The following DSG1 variants were observed in gnomAD, a reference collection of about 807,000 sequenced individuals.
DSG1 encodes the protein desmoglein 1.
DSG1 carries 39 observed loss-of-function variants against 97.5 expected under a neutral mutation model. That is an observed-to-expected ratio of 0.40 (90% CI 0.31 to 0.52). The LOEUF (loss-of-function observed/expected upper bound fraction) is 0.52, where lower values mean the gene tolerates loss of function less well. DSG1 is among the 20% of genes least tolerant of loss of function. DSG1 has a pLI of 0.53. For missense variants in DSG1, 1,311 were observed against 1,295.4 expected (o/e 1.01, Z -0.18); for synonymous variants, 475 against 443.4 (o/e 1.07, Z -0.90).
chr18:31,333,629 G>A lies in DSG1; in HGVS notation c.725G>A (p.Arg242Gln), dbSNP rs1273612156. The change falls in exon 7 of 15, where the codon CGA becomes CAA. Residue 242 changes from arginine to glutamine, a missense_variant. Coordinates refer to ENST00000257192, the MANE Select transcript of DSG1 (RefSeq NM_001942.4). ...QYALAVRGSD[R>Q]DGGADGMSAE... ...GCTCTTGCTGTAAGAGGCTCTGACC[G>A]AGATGGCGGGGCAGATGGCATGTCA... The A allele has an allele frequency of 6.8e-6, 11 of 1,613,738 alleles. No homozygotes were observed. Among genetic ancestry groups the A allele is most frequent in the South Asian group, 4.4e-5 (4 of 91,064 alleles).
Position 31,329,927 on chromosome 18 carries a change from T to C in DSG1, c.408T>C (p.Asp136=). The change falls in exon 5 of 15, where the codon GAT becomes GAC. Residue 136 remains aspartate (D), a synonymous_variant. Coordinates refer to ENST00000257192, the MANE Select transcript of DSG1 (RefSeq NM_001942.4). ...GAGCTCTGAACTCAATGGGCCAAGA[T>C]TTAGAGAGGCCTCTAGAGCTCAGAG... ...YCRALNSMGQ[D]LERPLELRVR... 6 of 1,613,336 alleles carry C rather than the reference T, an allele frequency of 3.7e-6. No homozygotes were observed. The highest frequency in any genetic ancestry group is 5.1e-6 in the Non-Finnish European group (6 of 1,179,360).
At position 31,335,516 on chromosome 18, in the gene DSG1, CAT is replaced by C. The variant is rs554510402; in HGVS notation, c.1006-827_1006-826del. Among the ~76,000 whole-genome samples the C allele has an allele frequency of 4.6e-5, 7 of 151,130 alleles. No individual in the cohort carries two copies. In the East Asian group the frequency reaches 7.7e-4, roughly 17 times the overall value. On this transcript the variant is annotated intron_variant, in intron 8 of 14. Transcript: ENST00000257192. ...TTAAATCCTTTGTTATAGCTATATA[CAT>C]ATATATATATTATGTGTGTGTAATG...
chr18:31,337,151 C>T (rs1247406926), intron 9 of DSG1, among the ~76,000 whole-genome samples: 2 of 152,166 alleles, frequency 1.3e-5, no homozygotes. Context: ...AAAATCTGTG[C>T]GTGCACATGT....
chr18:31,319,895 G>C (rs1394118868), intron 1 of DSG1, among the ~76,000 whole-genome samples: 1 of 123,306 alleles, frequency 8.1e-6, no homozygotes, highest in Admixed American at 7.5e-5. Flanking sequence ...GCTGTGCCTA[G>C]ATTTTTTTTT....
At position 31,345,976 on chromosome 18, in the gene DSG1, A is replaced by T; in HGVS notation, c.1892-14A>T. The T allele has an allele frequency of 6.2e-7, 1 of 1,607,116 alleles. No homozygotes were observed. ...GACTAAAGAAAATAAATTTAATTTG[A>T]TCAACACTTTTAGGAGTTTATACAA... On this transcript the variant is annotated splice_polypyrimidine_tract_variant and intron_variant, in intron 13 of 14. Coordinates refer to ENST00000257192, the MANE Select transcript of DSG1 (RefSeq NM_001942.4).
chr18:31,331,352 A>C (rs1010778758), intron 5 of DSG1, among the ~76,000 whole-genome samples: 3 of 152,090 alleles, frequency 2.0e-5, no homozygotes, highest in African/African-American at 2.4e-5. Context: ...AAGTGTTGAG[A>C]AAGTTGGGAA....
At chr18:31,354,276 C>T (rs1369548156) in intron 14 of DSG1, 21 bp from the exon 15 acceptor site, 1 of 1,603,550 alleles carries the variant, frequency 6.2e-7, no homozygotes, top group East Asian at 2.2e-5. Context: ...ATTTCATTTT[C>T]TCTTTCTCCT....
chr18:31,347,872 T>G (rs1206448219), intron 14 of DSG1: 1 of 140,920 alleles, frequency 7.1e-6, no homozygotes, highest in East Asian at 1.9e-4. Flanking sequence ...TATGAACTAC[T>G]TTTCCAGACA....
In DSG1 at chr18:31,343,953, C is replaced by T. The variant is rs752174104; in HGVS notation, c.1849C>T (p.Pro617Ser). 6.8e-6 allele frequency: 11 copies of T among 1,613,200 alleles called. No individual in the cohort carries two copies. The South Asian group carries it at 1.1e-4, about 16-fold the overall frequency. ...RDITTVIPQI[P>S]PDNANIIECI... ...TATAACCACTGTCATACCACAAATA[C>T]CACCTGATAACGCAAATATAATTGA... The change falls in exon 13 of 15, where the codon CCA becomes TCA. Residue 617 changes from proline to serine, a missense_variant. By Grantham distance (74) the Pro-to-Ser change is moderately conservative. Coordinates refer to ENST00000257192, the MANE Select transcript of DSG1 (RefSeq NM_001942.4).
In DSG1 at chr18:31,358,972, T is replaced by C. The variant is rs1051415182; in HGVS notation, c.*3626T>C. 2.6e-5 allele frequency among the ~76,000 whole-genome samples: 4 copies of C among 152,122 alleles called. No individual in the cohort carries two copies. The highest frequency in any genetic ancestry group is 9.7e-5 in the African/African-American group (4 of 41,436). On this transcript the variant is annotated 3_prime_UTR_variant, in exon 15 of 15. Transcript: ENST00000257192. ...TGTAATCTTGTTTGTCTACATTCTCTCCCCAGTTTAGCTGTATTTGAATTA... is the reference window on the plus strand; with the variant it reads ...TGTAATCTTGTTTGTCTACATTCTCCCCCCAGTTTAGCTGTATTTGAATTA...
intron 6 of DSG1, 111 bp downstream of exon 6, chr18:31,331,978 T>C: frequency 9.4e-7 from 1 of 1,061,266 alleles, no homozygotes; most frequent in Non-Finnish European, 1.4e-6. Context: ...TTTTTACTTG[T>C]ATAACTTTTT....
At chr18:31,324,736 G>A (rs1369914056) in intron 1 of DSG1, among the ~76,000 whole-genome samples, 1 of 152,020 alleles carries the variant, frequency 6.6e-6, no homozygotes, top group Non-Finnish European at 1.5e-5. Flanking sequence ...CTCTGCTCCA[G>A]CGTACCTCCT....
At chr18:31,326,765 A>T in intron 2 of DSG1, 109 bp from the exon 3 acceptor site, 1 of 1,432,428 alleles carries the variant, frequency 7.0e-7, no homozygotes, top group Non-Finnish European at 9.8e-7. Context: ...AATTTTCCCA[A>T]TTAAACATCC....
In DSG1 at chr18:31,336,536, TA is replaced by T; in HGVS notation, c.1190del (p.Asn397IlefsTer12). 6.2e-7 allele frequency: 1 copy of T among 1,614,006 alleles called. No individual in the cohort carries two copies. Among genetic ancestry groups the T allele is most frequent in the Non-Finnish European group, 8.5e-7 (1 of 1,179,924 alleles). On this transcript the variant is annotated frameshift_variant, in exon 9 of 15. Coordinates refer to ENST00000257192, the MANE Select transcript of DSG1 (RefSeq NM_001942.4). LOFTEE classifies it high-confidence loss of function. ...PGSKTYVVTG[N>X]MGSNDKVGDF... ...GTTCAAAGACATATGTTGTAACTGG[TA>T]ATATGGGATCAAATGATAAAGTGGG... is the stretch of plus-strand genomic sequence containing the variant.
At chr18:31,339,323 G>A (rs1445847915) in intron 10 of DSG1, among the ~76,000 whole-genome samples, 1 of 152,032 alleles carries the variant, frequency 6.6e-6, no homozygotes, top group African/African-American at 2.4e-5. Flanking sequence ...TCACATCAAT[G>A]TAACATAAAT....
chr18:31,349,587 TCCTA>T, intron 14 of DSG1, among the ~76,000 whole-genome samples: 1 of 113,220 alleles, frequency 8.8e-6, no homozygotes, highest in Non-Finnish European at 1.7e-5. Flanking sequence ...TATTGATTCT[TCCTA>T]CCCATGAGCA....
At chr18:31,326,814 T>C in intron 2 of DSG1, 60 bp from the exon 3 acceptor site, 5 of 1,582,002 alleles carry the variant, frequency 3.2e-6, no homozygotes, top group Non-Finnish European at 4.3e-6. Flanking sequence ...AAAATCTCAG[T>C]GGAATTTGAA....
intron 14 of DSG1, among the ~76,000 whole-genome samples, chr18:31,353,602 C>T (rs954414800): frequency 6.6e-6 from 1 of 152,192 alleles, no homozygotes; most frequent in Non-Finnish European, 1.5e-5. Context: ...TCTCAGACTG[C>T]TGTGCTAGCA....
In DSG1 at chr18:31,352,619, G is replaced by T. The variant is rs564517898; in HGVS notation, c.2101-1678G>T. Among the ~76,000 whole-genome samples, 41 of 149,678 alleles carry T rather than the reference G, an allele frequency of 2.7e-4. 1 individual carries two copies. The South Asian group carries it at 8.5e-3, about 31-fold the overall frequency. ...CTTTTAGGTACACCAATCAGACGTAGATTTGGTCTTTTCACATAGTCCCAT... is the reference window on the plus strand; with the variant it reads ...CTTTTAGGTACACCAATCAGACGTATATTTGGTCTTTTCACATAGTCCCAT... On this transcript the variant is annotated intron_variant, in intron 14 of 14. Transcript: ENST00000257192.
Sources: allele counts gnomAD v4.1 joint callset (sites outside exome capture counted in the v4.1 genomes callset), GRCh38; gene constraint gnomAD v4.1.1; transcripts MANE v1.5; gene names NCBI Gene and HGNC (gene_info 2026-07-23, HGNC 2026-07-21).